The following CDADC1 variants were observed in gnomAD, a reference collection of about 807,000 sequenced individuals.
CDADC1 encodes cytidine and dCMP deaminase domain containing 1, also known as dCTP deaminase.
A neutral mutation model predicts 54.9 loss-of-function variants in CDADC1; 39 were observed. That is an observed-to-expected ratio of 0.71 (90% confidence interval 0.55 to 0.93). The LOEUF is 0.93. Ranked by LOEUF, CDADC1 falls within the 40% of genes least tolerant of loss-of-function variation. The pLI is 0.00. For missense variants in CDADC1, 518 were observed against 618.8 expected, an observed-to-expected ratio of 0.84 and a Z score of 1.73; for synonymous variants, 186 against 204.0, an observed-to-expected ratio of 0.91 and a Z score of 0.75.
At chr13:49,268,139 A>G (rs952830822) in intron 5 of CDADC1, 80 bp downstream of exon 5, 21 of 1,143,646 alleles carry the variant, frequency 1.8e-5, no homozygotes, top group Admixed American at 1.7e-4. Flanking sequence ...TTTATGGTAG[A>G]GTTCATTTAC....
In CDADC1 at chr13:49,291,965, G is replaced by C; in HGVS notation, c.*208G>C. The stretch of plus-strand genomic sequence containing the variant: ...TGTGGGTTTTCCATAATGTAGTAGT[G>C]TGTTATTTTATTACACGAAATGAGG... On this transcript the variant is annotated 3_prime_UTR_variant, in exon 10 of 10. Coordinates refer to ENST00000251108, the MANE Select transcript of CDADC1 (RefSeq NM_030911.4). 7.6e-7 allele frequency: 1 copy of C among 1,307,446 alleles called. No individual in the cohort carries two copies. Among genetic ancestry groups the C allele is most frequent in the Non-Finnish European group, 9.7e-7 (1 of 1,026,292 alleles). The allele number at this position is 1,307,446 out of a possible 1,614,324, so 81.0% of individuals were successfully genotyped here. A position where few individuals can be genotyped will look rare whatever the true frequency, so the allele number is the denominator to read the frequency against.
At chr13:49,269,448 G>T (rs1052476436) in intron 5 of CDADC1, among the ~76,000 whole-genome samples, 1 of 152,120 alleles carries the variant, frequency 6.6e-6, no homozygotes, top group Non-Finnish European at 1.5e-5. Flanking sequence ...TCTGATGTTC[G>T]CAGAGTTAAT....
Position 49,259,207 on chromosome 13 carries a change from GA to G in CDADC1, c.253-138del, listed in dbSNP as rs1355164766. The G allele has an allele frequency of 8.9e-5, 57 of 639,752 alleles. No homozygotes were observed. The African/African-American group carries it at 9.5e-4, about 11-fold the overall frequency. 39.6% of individuals were successfully genotyped at this position (639,752 alleles called of 1,614,324 possible). A position where few individuals can be genotyped will look rare whatever the true frequency, so the allele number is the denominator to read the frequency against. The stretch of plus-strand genomic sequence containing the variant: ...GTTTCAGAAGCTTTTTGGATCTAAT[GA>G]GAAATGTGCTTTGTACAAACTCTGT... On this transcript the variant is annotated intron_variant, in intron 3 of 9. Transcript: ENST00000251108.
chr13:49,262,270 C>T (rs1386224655), intron 4 of CDADC1, among the ~76,000 whole-genome samples: 1 of 151,976 alleles, frequency 6.6e-6, no homozygotes, highest in African/African-American at 2.4e-5. Flanking sequence ...TGGAGAAACC[C>T]CATATCTACT....
In CDADC1 at chr13:49,260,923, T is replaced by C. The variant is rs537896168; in HGVS notation, c.430+1400T>C. Among the ~76,000 whole-genome samples the C allele has an allele frequency of 1.2e-4, 18 of 152,332 alleles. No individual in the cohort carries two copies. In the South Asian group the frequency reaches 3.7e-3, roughly 32 times the overall value. Reference sequence around the variant, plus strand: ...ATTATGAAAGGCTGGGGCTTAAGCTTGATCTTGATGCGTCATAGGTAGAGG... The same window carrying C: ...ATTATGAAAGGCTGGGGCTTAAGCTCGATCTTGATGCGTCATAGGTAGAGG... On this transcript the variant is annotated intron_variant, in intron 4 of 9. Coordinates refer to ENST00000251108, the MANE Select transcript of CDADC1 (RefSeq NM_030911.4).
chr13:49,280,466 T>A, intron 7 of CDADC1, 43 bp from the exon 8 acceptor site: 1 of 1,102,896 alleles, frequency 9.1e-7, no homozygotes, highest in Non-Finnish European at 1.2e-6. Flanking sequence ...TAACTTACCC[T>A]TTCAGAAACG....
At chr13:49,275,712 TATATATATATATATAGAGAGAGAG>T (rs1953094207) in intron 6 of CDADC1, among the ~76,000 whole-genome samples, 8 of 89,978 alleles carry the variant, frequency 8.9e-5, no homozygotes, top group Admixed American at 4.3e-4. Context: ...TATATATATA[TATATATATATATATAGAGAGAGAG>T]AGAGAGAGAG....
chr13:49,253,834 ACCGCACCTAG>A (rs1952485656), intron 2 of CDADC1, among the ~76,000 whole-genome samples: 1 of 152,182 alleles, frequency 6.6e-6, no homozygotes, highest in African/African-American at 2.4e-5. Flanking sequence ...GGCATGAGCC[ACCGCACCTAG>A]CCTCCTAACT....
At position 49,293,283 on chromosome 13, in the gene CDADC1, TC is replaced by T. The variant is rs1377661716; in HGVS notation, c.*1528del. ...AGTAAATATTTTGTAAGACCCAAAA[TC>T]CTGGCATATTGCCAGGTCTGTGGAT... On this transcript the variant is annotated 3_prime_UTR_variant, in exon 10 of 10. Transcript: ENST00000251108. The T allele has an allele frequency of 6.6e-6, 1 of 152,222 alleles. No individual in the cohort carries two copies. Among genetic ancestry groups the T allele is most frequent in the Non-Finnish European group, 1.5e-5 (1 of 68,048 alleles). 9.4% of individuals were successfully genotyped at this position (152,222 alleles called of 1,614,324 possible). A position where few individuals can be genotyped will look rare whatever the true frequency, so the allele number is the denominator to read the frequency against.
chr13:49,270,973 T>G (rs1335316135), intron 5 of CDADC1, among the ~76,000 whole-genome samples: 1 of 152,224 alleles, frequency 6.6e-6, no homozygotes, highest in East Asian at 1.9e-4. Flanking sequence ...AATTAATAGA[T>G]GAAGATACCA....
intron 5 of CDADC1, among the ~76,000 whole-genome samples, chr13:49,271,578 G>A (rs1388631956): frequency 3.3e-5 from 5 of 151,738 alleles, no homozygotes; most frequent in African/African-American, 9.7e-5. Flanking sequence ...TGATTTAGGG[G>A]ACTTCCATGG....
chr13:49,264,499 C>T lies in CDADC1; in HGVS notation c.431-2991C>T, dbSNP rs200057755. Among the ~76,000 whole-genome samples, 34 of 150,708 alleles carry T rather than the reference C, an allele frequency of 2.3e-4. 1 individual carries two copies. In the East Asian group the frequency reaches 6.3e-3, roughly 28 times the overall value. On this transcript the variant is annotated intron_variant, in intron 4 of 9. Coordinates refer to ENST00000251108, the MANE Select transcript of CDADC1 (RefSeq NM_030911.4). ...CATTGTGAGGCCAGTGGGAGGACCACCTCAGGTCAGGAGCCCAAGACCAGC... is the reference window on the plus strand; with the variant it reads ...CATTGTGAGGCCAGTGGGAGGACCATCTCAGGTCAGGAGCCCAAGACCAGC...
rs1040605244 is a variant in CDADC1, at chr13:49,285,164, CTTTT to C, written c.1411-1051_1411-1048del. Among the ~76,000 whole-genome samples, 9 of 143,528 alleles carry C rather than the reference CTTTT, an allele frequency of 6.3e-5. No individual in the cohort carries two copies. The South Asian group carries it at 1.8e-3, about 29-fold the overall frequency. The allele number at this position is 143,528 out of a possible 152,430, so 94.2% of individuals were successfully genotyped here. On this transcript the variant is annotated intron_variant, in intron 8 of 9. Coordinates refer to ENST00000251108, the MANE Select transcript of CDADC1 (RefSeq NM_030911.4). Reference sequence around the variant, plus strand: ...CTTGGTCATATTTTCTTTTTCTTTTCTTTTTTTTTTCTTTTTTCTTTTTTTTTTT... The same window carrying C: ...CTTGGTCATATTTTCTTTTTCTTTTCTTTTTTCTTTTTTCTTTTTTTTTTT...
At chr13:49,284,765 C>A (rs951994750) in intron 8 of CDADC1, among the ~76,000 whole-genome samples, 1 of 152,134 alleles carries the variant, frequency 6.6e-6, no homozygotes, top group South Asian at 2.1e-4. Flanking sequence ...TCTCATCCCC[C>A]CTCAAGGCTC....
intron 5 of CDADC1, among the ~76,000 whole-genome samples, chr13:49,271,605 CTT>C (rs559660895): frequency 9.9e-5 from 14 of 140,934 alleles, no homozygotes; most frequent in Admixed American, 2.1e-4. Context: ...GGAGTTGCCT[CTT>C]TTTTTTTTTT....
At chr13:49,250,544 C>G (rs1180999870) in intron 2 of CDADC1, among the ~76,000 whole-genome samples, 2 of 152,146 alleles carry the variant, frequency 1.3e-5, no homozygotes, top group Non-Finnish European at 2.9e-5. Flanking sequence ...CCAAGGAACT[C>G]TACATGGAAA....
At chr13:49,248,351 C>T in intron 1 of CDADC1, 1 of 496,786 alleles carries the variant, frequency 2.0e-6, no homozygotes, top group Non-Finnish European at 3.6e-6. Flanking sequence ...CTCACAGGAC[C>T]TAGAGCTGGG....
intron 4 of CDADC1, chr13:49,265,921 A>G (rs1029753083): frequency 7.7e-7 from 1 of 1,303,236 alleles, no homozygotes; most frequent in South Asian, 1.2e-5. Context: ...AAGGTTTACC[A>G]TCACTGCTGG....
At chr13:49,266,044 T>C (rs1033798711) in intron 4 of CDADC1, 2 of 843,414 alleles carry the variant, frequency 2.4e-6, no homozygotes, top group East Asian at 1.5e-4. Flanking sequence ...TAAGCCACAG[T>C]GAGTCAGGAG....
Sources: allele counts gnomAD v4.1 joint callset (sites outside exome capture counted in the v4.1 genomes callset), GRCh38; gene constraint gnomAD v4.1.1; transcripts MANE v1.5; gene names NCBI Gene and HGNC (gene_info 2026-07-23, HGNC 2026-07-21).